Variants in EXT1 observed in about 807,000 individuals in gnomAD.
EXT1 encodes exostosin-1.
Under a neutral mutation model 82.5 loss-of-function variants are expected in EXT1, and 20 were observed. That is an observed-to-expected ratio of 0.24 (90% CI 0.17 to 0.35). The LOEUF is 0.35. Ranked by LOEUF, EXT1 falls within the 10% of genes least tolerant of loss-of-function variation. EXT1 has a pLI of 1.00. For synonymous variants in EXT1, 348 were observed against 350.8 expected (o/e 0.99, Z 0.09); for missense variants, 757 against 936.5 (o/e 0.81, Z 2.50).
At chr8:117,982,625 A>G (rs17453560) in intron 1 of EXT1, among the ~76,000 whole-genome samples, 7,612 of 151,924 alleles carry the variant, frequency 0.05, 406 homozygotes, top group African/African-American at 0.14. Flanking sequence ...CGAGTACCTG[A>G]GATTACAGGG....
intron 1 of EXT1, among the ~76,000 whole-genome samples, chr8:117,907,022 C>T (rs1043863180): frequency 7.3e-6 from 1 of 137,580 alleles, no homozygotes; most frequent in Non-Finnish European, 1.6e-5. Flanking sequence ...ATTAAGATGG[C>T]CCAAACCATG....
chr8:117,962,030 A>G (rs967988141), intron 1 of EXT1, among the ~76,000 whole-genome samples: 2 of 152,196 alleles, frequency 1.3e-5, no homozygotes, highest in African/African-American at 4.8e-5. Context: ...GGGAAAAAAT[A>G]CCAGCAAGGC....
At position 117,869,810 on chromosome 8, in the gene EXT1, A is replaced by AT. The variant is rs1812839520; in HGVS notation, c.963-32610dup. The stretch of plus-strand genomic sequence containing the variant: ...CATTTTCCCTCATATTTATATTTAC[A>AT]TACACACACACACTCACACATATAT... On this transcript the variant is annotated intron_variant, in intron 1 of 10. Coordinates refer to ENST00000378204, the MANE Select transcript of EXT1 (RefSeq NM_000127.3). 3.3e-5 allele frequency among the ~76,000 whole-genome samples: 5 copies of AT among 152,310 alleles called. No homozygotes were observed. In the South Asian group the frequency reaches 1.0e-3, roughly 32 times the overall value.
At chr8:118,090,414 T>A (rs1817501206) in intron 1 of EXT1, among the ~76,000 whole-genome samples, 1 of 150,994 alleles carries the variant, frequency 6.6e-6, no homozygotes, top group African/African-American at 2.4e-5. Flanking sequence ...AGCAAGACCG[T>A]GTCTTGAAAA....
At chr8:118,015,298 G>C (rs1815980517) in intron 1 of EXT1, among the ~76,000 whole-genome samples, 1 of 152,190 alleles carries the variant, frequency 6.6e-6, no homozygotes. Flanking sequence ...AGAAACTCGA[G>C]AGAGGGGGTA....
At position 117,799,576 on chromosome 8, in the gene EXT1, T is replaced by G. The variant is rs1586986933; in HGVS notation, c.*136A>C. On this transcript the variant is annotated 3_prime_UTR_variant, in exon 11 of 11. Coordinates refer to ENST00000378204, the MANE Select transcript of EXT1 (RefSeq NM_000127.3). The stretch of plus-strand genomic sequence containing the variant: ...TTGAGTTCTCATTGGCCTTTTTTTT[T>G]TTGTCATTCTGCTCATCTAAGTTTT... 1.0e-6 allele frequency: 1 copy of G among 1,001,854 alleles called. No homozygotes were observed. The highest frequency in any genetic ancestry group is 1.5e-6 in the Non-Finnish European group (1 of 665,634). The allele number at this position is 1,001,854 out of a possible 1,614,324, so 62.1% of individuals were successfully genotyped here.
chr8:118,023,207 T>C (rs942923689), intron 1 of EXT1, among the ~76,000 whole-genome samples: 1 of 152,214 alleles, frequency 6.6e-6, no homozygotes, highest in African/African-American at 2.4e-5. Flanking sequence ...TTGCTGGGAA[T>C]AAGGTAAACA....
At chr8:117,900,171 TG>T (rs1428164458) in intron 1 of EXT1, among the ~76,000 whole-genome samples, 5 of 152,180 alleles carry the variant, frequency 3.3e-5, no homozygotes, top group Non-Finnish European at 5.9e-5. Flanking sequence ...AGAAAAGTCC[TG>T]CCTAGAGGTC....
At chr8:118,068,709 G>T (rs1287771178) in intron 1 of EXT1, among the ~76,000 whole-genome samples, 1 of 152,144 alleles carries the variant, frequency 6.6e-6, no homozygotes, top group Non-Finnish European at 1.5e-5. Context: ...TTAGGCGGCA[G>T]AATATATTAC....
At chr8:118,013,398 G>A (rs1025530144) in intron 1 of EXT1, among the ~76,000 whole-genome samples, 19 of 152,086 alleles carry the variant, frequency 1.2e-4, no homozygotes, top group African/African-American at 2.7e-4. Context: ...TAGTAGAGAC[G>A]GGGTTTTACC....
Position 117,837,154 on chromosome 8 carries a change from G to A in EXT1, c.1010C>T (p.Pro337Leu), listed in dbSNP as rs1812200901. 1 of 1,614,036 alleles carries A rather than the reference G, an allele frequency of 6.2e-7. No homozygotes were observed. Among genetic ancestry groups the A allele is most frequent in the Non-Finnish European group, 8.5e-7 (1 of 1,179,968 alleles). ...GAAGGACCCAAGCCTGCGACCACGA[G>A]GAACCAGACAGAAAGTGGCATTGTG... ...MLHNATFCLVPRGRRLGSFRF... is the reference protein window; with the variant it reads ...MLHNATFCLVLRGRRLGSFRF... The change falls in exon 2 of 11, where the codon CCT (proline) becomes CTT (leucine). Residue 337 changes from proline to leucine, a missense_variant. Pro to Leu is a moderately conservative substitution (Grantham distance 98). Coordinates refer to ENST00000378204, the MANE Select transcript of EXT1 (RefSeq NM_000127.3).
chr8:117,997,925 A>G (rs1455396575), intron 1 of EXT1, among the ~76,000 whole-genome samples: 1 of 152,010 alleles, frequency 6.6e-6, no homozygotes, highest in Non-Finnish European at 1.5e-5. Context: ...TTCATGGTTC[A>G]GTTTTATGCT....
intron 1 of EXT1, among the ~76,000 whole-genome samples, chr8:117,890,542 C>A (rs1813225106): frequency 6.6e-6 from 1 of 152,136 alleles, no homozygotes; most frequent in South Asian, 2.1e-4. Flanking sequence ...GTAGGCAGGG[C>A]AATGTTGACT....
intron 1 of EXT1, among the ~76,000 whole-genome samples, chr8:117,978,309 C>T (rs554789425): frequency 1.8e-4 from 28 of 152,292 alleles, no homozygotes; most frequent in South Asian, 1.0e-3. Flanking sequence ...CACATTGTTA[C>T]GCTCATATTT....
chr8:117,828,225 T>C (rs1230402427), intron 4 of EXT1, among the ~76,000 whole-genome samples: 3 of 152,226 alleles, frequency 2.0e-5, no homozygotes, highest in Non-Finnish European at 4.4e-5. Context: ...AATTATTTTA[T>C]ATTTTATGCT....
intron 2 of EXT1, among the ~76,000 whole-genome samples, chr8:117,836,281 A>G (rs1812187513): frequency 6.6e-6 from 1 of 152,222 alleles, no homozygotes; most frequent in Non-Finnish European, 1.5e-5. Context: ...ATGGCATGCT[A>G]TGCAGAACAC....
intron 1 of EXT1, among the ~76,000 whole-genome samples, chr8:117,961,831 G>A (rs192644639): frequency 3.3e-5 from 5 of 152,074 alleles, no homozygotes; most frequent in Non-Finnish European, 7.3e-5. Flanking sequence ...CCTGAAAAAC[G>A]GGGTCTAAAC....
At chr8:117,858,424 C>A (rs1812605677) in intron 1 of EXT1, among the ~76,000 whole-genome samples, 1 of 152,124 alleles carries the variant, frequency 6.6e-6, no homozygotes, top group Admixed American at 6.6e-5. Context: ...GTAATCCCAG[C>A]ACTTTGGGAG....
chr8:117,808,541 T>A (rs997181901), intron 8 of EXT1, among the ~76,000 whole-genome samples: 1 of 152,244 alleles, frequency 6.6e-6, no homozygotes, highest in East Asian at 1.9e-4. Context: ...TTGTCTCTTA[T>A]ACACGCTATG....
Sources: allele counts gnomAD v4.1 joint callset (sites outside exome capture counted in the v4.1 genomes callset), GRCh38; gene constraint gnomAD v4.1.1; transcripts MANE v1.5; gene names NCBI Gene and HGNC (gene_info 2026-07-23, HGNC 2026-07-21).